INTU: variants seen among roughly 807,000 people sequenced by gnomAD.
INTU encodes the protein inturned planar cell polarity protein, also known as protein inturned.
Under a neutral mutation model 100.5 loss-of-function variants are expected in INTU, and 68 were observed. The ratio of observed to expected loss-of-function variants is 0.68; its 90% CI spans 0.56 to 0.83. The LOEUF (loss-of-function observed/expected upper bound fraction) is 0.83, where lower values mean the gene tolerates loss of function less well. Among genes scored for constraint, INTU ranks in the 40% least tolerant of loss-of-function variants. INTU has a pLI of 0.00. For missense variants in INTU, 1,071 were observed against 1,114.7 expected (o/e 0.96, Z 0.56); for synonymous variants, 357 against 395.7 (o/e 0.90, Z 1.16).
chr4:127,707,986 G>A (rs1159070977), intron 12 of INTU, among the ~76,000 whole-genome samples: 1 of 152,120 alleles, frequency 6.6e-6, no homozygotes, highest in Non-Finnish European at 1.5e-5. Context: ...TAAATAACCA[G>A]ATGCAATCTC....
intron 5 of INTU, 26 bp downstream of exon 5, chr4:127,669,180 T>C: frequency 8.9e-7 from 1 of 1,120,544 alleles, no homozygotes; most frequent in Non-Finnish European, 1.3e-6. Context: ...TAGCTTTAAT[T>C]CTGTTTTTTT....
intron 8 of INTU, among the ~76,000 whole-genome samples, chr4:127,698,827 T>C (rs1223492885): frequency 1.3e-5 from 2 of 152,216 alleles, no homozygotes; most frequent in Admixed American, 1.3e-4. Context: ...TTGAACAGTT[T>C]CTGAGATCAA....
intron 12 of INTU, among the ~76,000 whole-genome samples, chr4:127,708,065 C>T (rs1730960425): frequency 6.6e-6 from 1 of 152,140 alleles, no homozygotes; most frequent in South Asian, 2.1e-4. Context: ...TACATCAGTA[C>T]CATACCTATT....
rs1731074678 is a variant in INTU, at chr4:127,711,037, A to G, written c.2494A>G (p.Ile832Val). 6.2e-7 allele frequency: 1 copy of G among 1,609,342 alleles called. No individual in the cohort carries two copies. Residue 832 changes from isoleucine (I) to valine (V), a missense_variant, in exon 14 of 16, where the codon ATA (isoleucine) becomes GTA (valine). Ile to Val is a conservative substitution (Grantham distance 29, BLOSUM62 3). Coordinates refer to ENST00000335251, the MANE Select transcript of INTU (RefSeq NM_015693.4). ...QLSGSIHPQL[I>V]KNFHQCCLSI... ...AAGTGGCTCTATCCACCCTCAGCTA[A>G]TAAAGAATTTCCATCAGTGTTGTCT... is the stretch of plus-strand genomic sequence containing the variant.
chr4:127,707,149 G>A (rs1012145565), intron 12 of INTU, among the ~76,000 whole-genome samples, 180 bp downstream of exon 12: 2 of 152,012 alleles, frequency 1.3e-5, no homozygotes, highest in African/African-American at 2.4e-5. Context: ...ATCAGGCCAG[G>A]TGTGGCAGAT....
intron 8 of INTU, among the ~76,000 whole-genome samples, chr4:127,689,720 GA>G (rs973401307): frequency 2.0e-5 from 3 of 151,960 alleles, no homozygotes; most frequent in Non-Finnish European, 2.9e-5. Flanking sequence ...AAGGAAAAAG[GA>G]AAGGAGAAAG....
intron 2 of INTU, among the ~76,000 whole-genome samples, chr4:127,655,467 TTGGAATACCCTGC>T (rs1578550581): frequency 1.3e-5 from 2 of 150,214 alleles, no homozygotes; most frequent in African/African-American, 5.0e-5. Context: ...TGCAGGTCTG[TTGGAATACCCTGC>T]CGTGTGAGGT....
chr4:127,643,564 G>A lies in INTU; in HGVS notation c.190G>A (p.Glu64Lys). ...EWLDSVQKNG[E>K]LFYLELSEDE... ...GCTGGACAGTGTGCAGAAAAATGGA[G>A]AGCTGTTTTATTTGGAATTGAGTGA... The change falls in exon 2 of 16, where the codon GAG becomes AAG. Residue 64 changes from glutamate to lysine, a missense_variant. Coordinates refer to ENST00000335251, the MANE Select transcript of INTU (RefSeq NM_015693.4). 6.2e-7 allele frequency: 1 copy of A among 1,608,512 alleles called. No homozygotes were observed. Among genetic ancestry groups the A allele is most frequent in the Non-Finnish European group, 8.5e-7 (1 of 1,178,644 alleles).
intron 2 of INTU, among the ~76,000 whole-genome samples, chr4:127,645,404 T>C (rs1727532052): frequency 1.3e-5 from 2 of 152,074 alleles, no homozygotes; most frequent in East Asian, 3.9e-4. Context: ...CAGATGTGAG[T>C]GAGAAGCCTT....
At position 127,716,353 on chromosome 4, in the gene INTU, G is replaced by T; in HGVS notation, c.2746G>T (p.Glu916Ter). ...GRLFLHPKPQELYVCFHDSVT... is the reference protein window; with the variant it reads ...GRLFLHPKPQ ...ACTTTTTCTTCATCCAAAACCTCAA[G>T]AACTTTATGTCTGTTTTCATGACTC... The change falls in exon 16 of 16, where the codon GAA (glutamate) becomes TAA (stop). Residue 916 changes from glutamate (E) to a stop codon, truncating the protein, a stop_gained. Transcript: ENST00000335251. LOFTEE classifies it high-confidence loss of function. The T allele has an allele frequency of 6.3e-7, 1 of 1,577,190 alleles. No individual in the cohort carries two copies. The highest frequency in any genetic ancestry group is 1.2e-5 in the South Asian group (1 of 84,404).
chr4:127,716,047 T>C (rs912021203), intron 15 of INTU, among the ~76,000 whole-genome samples: 3 of 152,174 alleles, frequency 2.0e-5, no homozygotes, highest in African/African-American at 7.2e-5. Flanking sequence ...TTTATTATAA[T>C]AACTAGATTT....
rs911337602 is a variant in INTU at position 127,655,803 on chromosome 4, G to C, written c.683-833G>C. On this transcript the variant is annotated intron_variant, in intron 2 of 15. Coordinates refer to ENST00000335251, the MANE Select transcript of INTU (RefSeq NM_015693.4). ...TTACCTAAGCAAGCCTGGGCAATGG[G>C]GGGCGCCCCTCCCCCAGCCTCGCTG... 8.2e-3 allele frequency among the ~76,000 whole-genome samples: 1,242 copies of C among 151,472 alleles called. 20 individuals carry two copies. Among genetic ancestry groups the C allele is most frequent in the African/African-American group, 0.026 (1,088 of 41,344 alleles).
chr4:127,654,123 CGT>C (rs1728056676), intron 2 of INTU, among the ~76,000 whole-genome samples: 1 of 150,726 alleles, frequency 6.6e-6, no homozygotes, highest in Non-Finnish European at 1.5e-5. Flanking sequence ...TGTCTCTGCA[CGT>C]GAGATGGGTT....
intron 10 of INTU, 77 bp from the exon 11 acceptor site, chr4:127,705,514 A>T: frequency 9.3e-7 from 1 of 1,077,324 alleles, no homozygotes. Context: ...AGAAGTGTCT[A>T]TGAAACTCTT....
intron 3 of INTU, among the ~76,000 whole-genome samples, chr4:127,659,127 A>G (rs1024320325): frequency 6.6e-6 from 1 of 152,288 alleles, no homozygotes; most frequent in African/African-American, 2.4e-5. Flanking sequence ...GGGAGTGGCT[A>G]TAAATATGAA....
intron 1 of INTU, among the ~76,000 whole-genome samples, chr4:127,639,474 A>G (rs993119696): frequency 1.3e-5 from 2 of 152,000 alleles, no homozygotes; most frequent in Non-Finnish European, 2.9e-5. Context: ...TAATTTAGGG[A>G]AGTTGTAGTG....
chr4:127,651,016 C>G (rs1405657031), intron 2 of INTU, among the ~76,000 whole-genome samples: 1 of 152,152 alleles, frequency 6.6e-6, no homozygotes, highest in Non-Finnish European at 1.5e-5. Context: ...TAAATGTCAT[C>G]TTTTGAGAAG....
intron 8 of INTU, among the ~76,000 whole-genome samples, chr4:127,692,276 G>A (rs80255742): frequency 0.02 from 2,964 of 151,490 alleles, 102 homozygotes; most frequent in African/African-American, 0.067. Context: ...TTTTATTATG[G>A]CCATTGTTGC....
At chr4:127,689,892 T>C (rs771007601) in intron 8 of INTU, among the ~76,000 whole-genome samples, 10 of 152,180 alleles carry the variant, frequency 6.6e-5, no homozygotes, top group Non-Finnish European at 1.5e-4. Context: ...TGGGGTCTTT[T>C]ATCCTCAGTC....
Sources: gnomAD v4.1 joint callset for allele counts (sites outside exome capture counted in the v4.1 genomes callset) on GRCh38, gnomAD v4.1.1 for gene constraint, MANE v1.5 for transcripts, NCBI Gene and HGNC (gene_info 2026-07-23, HGNC 2026-07-21) for gene names.